RIT2: variants seen among roughly 807,000 people sequenced by gnomAD.
The protein encoded by RIT2 is GTP-binding protein Rit2.
A neutral mutation model predicts 23.7 loss-of-function variants in RIT2; 24 were observed. The ratio of observed to expected loss-of-function variants is 1.01; its 90% confidence interval spans 0.73 to 1.43. The LOEUF is 1.43. Ranked by LOEUF, RIT2 falls within the 40% of genes most tolerant of loss-of-function variation. The pLI, the probability that RIT2 is intolerant of heterozygous loss-of-function variation, is 0.00. For missense variants in RIT2, 236 were observed against 266.9 expected (o/e 0.88, Z 0.81); for synonymous variants, 107 against 91.1 (o/e 1.17, Z -0.99).
At chr18:42,795,289 C>G (rs567535665) in intron 4 of RIT2, among the ~76,000 whole-genome samples, 34 of 152,314 alleles carry the variant, frequency 2.2e-4, no homozygotes, top group African/African-American at 7.9e-4. Context: ...GCAGTGCTTG[C>G]GGGCCAGCTG....
chr18:43,045,656 G>A (rs1912229211), intron 1 of RIT2, among the ~76,000 whole-genome samples: 1 of 152,140 alleles, frequency 6.6e-6, no homozygotes, highest in Admixed American at 6.5e-5. Flanking sequence ...TCATAGAATA[G>A]TCAACTACCT....
chr18:43,047,869 C>A (rs976256459), intron 1 of RIT2, among the ~76,000 whole-genome samples: 5 of 152,042 alleles, frequency 3.3e-5, no homozygotes, highest in Non-Finnish European at 7.4e-5. Context: ...AATTACATTA[C>A]ACAAAAATAT....
chr18:43,106,506 A>T (rs942095063), intron 1 of RIT2, among the ~76,000 whole-genome samples: 2 of 152,030 alleles, frequency 1.3e-5, no homozygotes, highest in Non-Finnish European at 2.9e-5. Context: ...CCATTGTAAG[A>T]CCACAAATTA....
chr18:42,821,593 G>A (rs901643209), intron 4 of RIT2, among the ~76,000 whole-genome samples: 76 of 152,018 alleles, frequency 5.0e-4, no homozygotes, highest in African/African-American at 1.6e-3. Flanking sequence ...TAGAAGGCAC[G>A]GAGCCGTAGA....
rs1316621100 is a variant in RIT2, at chr18:43,087,592, A to G, written c.103+27825T>C. Among the ~76,000 whole-genome samples, 5 of 152,174 alleles carry G rather than the reference A, an allele frequency of 3.3e-5. 1 individual carries two copies. The South Asian group carries it at 1.0e-3, about 32-fold the overall frequency. Reference sequence around the variant, plus strand: ...TGGTCCTACAGTATCTGTATTCAACAATGTTGTGAATAAAAACCACAGGTC... The same window carrying G: ...TGGTCCTACAGTATCTGTATTCAACGATGTTGTGAATAAAAACCACAGGTC... On this transcript the variant is annotated intron_variant, in intron 1 of 4. Transcript: ENST00000326695.
At chr18:42,985,633 T>G (rs1910691819) in intron 2 of RIT2, among the ~76,000 whole-genome samples, 1 of 152,118 alleles carries the variant, frequency 6.6e-6, no homozygotes, top group South Asian at 2.1e-4. Flanking sequence ...GTGGAAAAAA[T>G]CTTTCAATAA....
chr18:42,972,456 T>A (rs1910384479), intron 3 of RIT2, among the ~76,000 whole-genome samples: 1 of 151,900 alleles, frequency 6.6e-6, no homozygotes, highest in Non-Finnish European at 1.5e-5. Flanking sequence ...AACATAGCGA[T>A]GAGAAAATAC....
chr18:42,946,086 A>C (rs1909721411), intron 3 of RIT2, among the ~76,000 whole-genome samples: 1 of 152,134 alleles, frequency 6.6e-6, no homozygotes, highest in Non-Finnish European at 1.5e-5. Context: ...TTTTAATACA[A>C]AACTAAAATT....
At chr18:42,748,506 A>G (rs796836303) in intron 4 of RIT2, among the ~76,000 whole-genome samples, 13 of 152,152 alleles carry the variant, frequency 8.5e-5, no homozygotes, top group African/African-American at 3.1e-4. Flanking sequence ...TTAAACTAGT[A>G]CAAACACTAT....
At position 43,029,307 on chromosome 18, in the gene RIT2, T is replaced by C. The variant is rs141131456; in HGVS notation, c.160+4504A>G. 1.1e-3 allele frequency among the ~76,000 whole-genome samples: 171 copies of C among 152,160 alleles called. 1 individual carries two copies. In the Middle Eastern group the frequency reaches 0.017, roughly 15 times the overall value. On this transcript the variant is annotated intron_variant, in intron 2 of 4. Coordinates refer to ENST00000326695, the MANE Select transcript of RIT2 (RefSeq NM_002930.4). Reference sequence around the variant, plus strand: ...CAGTTGAGTCAATTACAAGAGGAAGTGTTCCTTGAAAATAGGACATGTAAG... The same window carrying C: ...CAGTTGAGTCAATTACAAGAGGAAGCGTTCCTTGAAAATAGGACATGTAAG...
At chr18:42,853,175 A>T (rs1361334305) in intron 4 of RIT2, among the ~76,000 whole-genome samples, 2 of 152,094 alleles carry the variant, frequency 1.3e-5, no homozygotes, top group Admixed American at 1.3e-4. Flanking sequence ...AATTTGTGAC[A>T]CCTGTCGTGT....
Position 42,879,652 on chromosome 18 carries a change from C to T in RIT2, c.426+43920G>A, listed in dbSNP as rs575888340. ...TTTTTTCTTAAGTTTCCTCCTCTACCTCCTCCAAATTATCTTTTAAATGTT... is the reference window on the plus strand; with the variant it reads ...TTTTTTCTTAAGTTTCCTCCTCTACTTCCTCCAAATTATCTTTTAAATGTT... On this transcript the variant is annotated intron_variant, in intron 4 of 4. Transcript: ENST00000326695. Among the ~76,000 whole-genome samples the T allele has an allele frequency of 3.3e-4, 50 of 151,926 alleles. No individual in the cohort carries two copies. The South Asian group carries it at 9.8e-3, about 30-fold the overall frequency.
intron 1 of RIT2, among the ~76,000 whole-genome samples, chr18:43,076,748 A>G (rs1160825372): frequency 6.6e-6 from 1 of 152,134 alleles, no homozygotes; most frequent in Non-Finnish European, 1.5e-5. Context: ...TCTAGACATA[A>G]GTTAAATCCT....
chr18:42,962,142 A>G (rs1013936074), intron 3 of RIT2, among the ~76,000 whole-genome samples: 1 of 152,242 alleles, frequency 6.6e-6, no homozygotes, highest in Non-Finnish European at 1.5e-5. Context: ...TGCCTGATAT[A>G]AAATAGTCAA....
intron 2 of RIT2, among the ~76,000 whole-genome samples, chr18:42,987,298 TGAG>T (rs1910734166): frequency 6.6e-6 from 1 of 152,160 alleles, no homozygotes; most frequent in African/African-American, 2.4e-5. Flanking sequence ...AGATGTGATG[TGAG>T]AAGAAGCATG....
At chr18:42,776,993 G>A (rs1246105239) in intron 4 of RIT2, among the ~76,000 whole-genome samples, 4 of 152,080 alleles carry the variant, frequency 2.6e-5, no homozygotes, top group Non-Finnish European at 4.4e-5. Flanking sequence ...GGATTAGGGT[G>A]GTGGTAGAAA....
chr18:42,829,213 A>C (rs140887958), intron 4 of RIT2, among the ~76,000 whole-genome samples: 8 of 152,298 alleles, frequency 5.3e-5, no homozygotes, highest in African/African-American at 1.9e-4. Context: ...ATTCATCCAA[A>C]ATCTGATTCT....
intron 1 of RIT2, among the ~76,000 whole-genome samples, chr18:43,064,698 A>C (rs986886934): frequency 7.2e-5 from 11 of 152,324 alleles, no homozygotes; most frequent in African/African-American, 2.4e-4. Context: ...TTCAAAATAA[A>C]TCACAATTAG....
chr18:43,019,664 A>G (rs1911552073), intron 2 of RIT2, among the ~76,000 whole-genome samples: 1 of 152,116 alleles, frequency 6.6e-6, no homozygotes, highest in Admixed American at 6.6e-5. Flanking sequence ...CCTGTTCAAC[A>G]TAGTACTGGA....
Sources: allele counts gnomAD v4.1 joint callset (sites outside exome capture counted in the v4.1 genomes callset), GRCh38; gene constraint gnomAD v4.1.1; transcripts MANE v1.5; gene names NCBI Gene and HGNC (gene_info 2026-07-23, HGNC 2026-07-21).